Variants in ACTG2 observed in about 807,000 individuals in gnomAD.
ACTG2 encodes the protein actin gamma 2, smooth muscle.
ACTG2 carries 16 observed loss-of-function variants against 37.6 expected under a neutral mutation model. That is an observed-to-expected ratio of 0.43 (90% confidence interval 0.29 to 0.65). ACTG2 has a LOEUF of 0.65. Ranked by LOEUF, ACTG2 falls within the 30% of genes least tolerant of loss-of-function variation. The probability of loss-of-function intolerance (pLI) is 0.18; values close to 1 mark genes in which losing one functional copy is unlikely to be tolerated. For synonymous variants in ACTG2, 181 were observed against 179.9 expected (o/e 1.01, Z -0.05); for missense variants, 238 against 490.9 (o/e 0.48, Z 4.87).
At chr2:73,906,326 C>A (rs1359656653) in intron 3 of ACTG2, among the ~76,000 whole-genome samples, 1 of 151,816 alleles carries the variant, frequency 6.6e-6, no homozygotes, top group Non-Finnish European at 1.5e-5. Flanking sequence ...TGGTGGGCAC[C>A]CGTAGTCCCA....
chr2:73,902,771 A>T, intron 3 of ACTG2: 1 of 1,548,028 alleles, frequency 6.5e-7, no homozygotes, highest in Non-Finnish European at 8.7e-7. Flanking sequence ...AACACAGGTC[A>T]GCTCATGTCA....
chr2:73,914,714 G>A lies in ACTG2; in HGVS notation c.648G>A (p.Lys216=). Reference sequence around the variant, plus strand: ...AAATTGTGCGAGACATCAAGGAGAAGCTGTGCTATGTGGCCCTGGATTTTG... The same window carrying A: ...AAATTGTGCGAGACATCAAGGAGAAACTGTGCTATGTGGCCCTGGATTTTG... ...EREIVRDIKE[K]LCYVALDFEN... The change falls in exon 7 of 9, where the codon AAG becomes AAA. Residue 216 remains lysine (K), a synonymous_variant. Coordinates refer to ENST00000345517, the MANE Select transcript of ACTG2 (RefSeq NM_001615.4). 1.2e-6 allele frequency: 2 copies of A among 1,604,880 alleles called. No individual in the cohort carries two copies. The highest frequency in any genetic ancestry group is 2.3e-5 in the East Asian group (1 of 44,364).
chr2:73,915,332 C>A (rs1680239813), intron 7 of ACTG2, among the ~76,000 whole-genome samples: 1 of 143,762 alleles, frequency 7.0e-6, no homozygotes, highest in Non-Finnish European at 1.5e-5. Flanking sequence ...CCAGACTGGG[C>A]AACATAGCGA....
intron 1 of ACTG2, among the ~76,000 whole-genome samples, chr2:73,894,339 T>C (rs1007994935): frequency 6.6e-6 from 1 of 152,136 alleles, no homozygotes; most frequent in Non-Finnish European, 1.5e-5. Flanking sequence ...ACCCTTGGGC[T>C]GAAAAGAGGA....
chr2:73,898,340 A>AGG (rs1558620884), intron 1 of ACTG2, among the ~76,000 whole-genome samples: 1 of 146,646 alleles, frequency 6.8e-6, no homozygotes, highest in Non-Finnish European at 1.5e-5. Context: ...TGTTTCACCT[A>AGG]CCAAAGCAAC....
chr2:73,911,897 A>G (rs1680147669), intron 5 of ACTG2, among the ~76,000 whole-genome samples: 1 of 152,218 alleles, frequency 6.6e-6, no homozygotes, highest in African/African-American at 2.4e-5. Context: ...ATTTGTTTAA[A>G]CGTTCATTAA....
At chr2:73,913,032 G>A (rs532454657) in intron 5 of ACTG2, among the ~76,000 whole-genome samples, 1 of 152,070 alleles carries the variant, frequency 6.6e-6, no homozygotes, top group East Asian at 1.9e-4. Flanking sequence ...AGCCGGGCGT[G>A]GTGGCAGGCA....
chr2:73,914,578 G>T, intron 6 of ACTG2, 102 bp from the exon 7 acceptor site: 722 of 576,958 alleles, frequency 1.3e-3, no homozygotes, highest in Non-Finnish European at 1.7e-3. Context: ...AAAAAAAAAA[G>T]AATAAAGTAG....
At chr2:73,904,710 T>C (rs1038109344) in intron 3 of ACTG2, among the ~76,000 whole-genome samples, 6 of 148,628 alleles carry the variant, frequency 4.0e-5, no homozygotes, top group Non-Finnish European at 4.5e-5. Flanking sequence ...TTTCATTATA[T>C]AATCATTTCA....
chr2:73,914,269 T>C (rs1226356005), intron 6 of ACTG2, among the ~76,000 whole-genome samples: 1 of 152,058 alleles, frequency 6.6e-6, no homozygotes, highest in Non-Finnish European at 1.5e-5. Flanking sequence ...GAACCTAAAG[T>C]AGACGTGAGG....
intron 1 of ACTG2, among the ~76,000 whole-genome samples, chr2:73,895,978 G>A (rs922565620): frequency 2.0e-5 from 3 of 152,144 alleles, no homozygotes; most frequent in Non-Finnish European, 4.4e-5. Flanking sequence ...TCTGAGATTT[G>A]AATGTCATAT....
intron 3 of ACTG2, among the ~76,000 whole-genome samples, chr2:73,903,939 C>CAAAAAAAA (rs61362643): frequency 2.2e-5 from 2 of 90,022 alleles, no homozygotes; most frequent in African/African-American, 8.5e-5. Flanking sequence ...GACTCCGTCT[C>CAAAAAAAA]AAAAAAAAAA....
chr2:73,916,701 C>CT lies in ACTG2; in HGVS notation c.924dup (p.Gly309TrpfsTer4). 6.2e-7 allele frequency: 1 copy of CT among 1,614,204 alleles called. No homozygotes were observed. On this transcript the variant is annotated frameshift_variant, in exon 8 of 9. Coordinates refer to ENST00000345517, the MANE Select transcript of ACTG2 (RefSeq NM_001615.4). LOFTEE classifies it high-confidence loss of function. ...CTCTCTGGGGGCACCACCATGTACC[C>CT]TGGCATTGCTGACAGGATGCAGAAG...
intron 3 of ACTG2, chr2:73,902,839 C>A (rs562202696): frequency 6.9e-7 from 1 of 1,439,936 alleles, no homozygotes; most frequent in African/African-American, 1.4e-5. Context: ...GTTCCTAACT[C>A]CCCGTCTTGG....
chr2:73,908,937 A>C, intron 4 of ACTG2, 118 bp from the exon 5 acceptor site: 1 of 1,243,134 alleles, frequency 8.0e-7, no homozygotes, highest in Non-Finnish European at 1.2e-6. Flanking sequence ...TGGGTGTGGA[A>C]TAATGAACTA....
intron 8 of ACTG2, among the ~76,000 whole-genome samples, chr2:73,917,705 G>A (rs986600060): frequency 6.6e-6 from 1 of 152,208 alleles, no homozygotes; most frequent in Non-Finnish European, 1.5e-5. Flanking sequence ...ATGAAGGAAG[G>A]CTGCCCCGGG....
chr2:73,896,311 C>T (rs889031773), intron 1 of ACTG2, among the ~76,000 whole-genome samples: 4 of 145,992 alleles, frequency 2.7e-5, no homozygotes, highest in Non-Finnish European at 5.9e-5. Flanking sequence ...TGCCACTGGA[C>T]TCAATGCCTA....
chr2:73,900,910 T>C (rs1288416826), intron 1 of ACTG2, among the ~76,000 whole-genome samples: 1 of 152,126 alleles, frequency 6.6e-6, no homozygotes, highest in Admixed American at 6.6e-5. Flanking sequence ...TCTGCATGCA[T>C]CTGGATCCTA....
chr2:73,907,600 G>A (rs976837311), intron 3 of ACTG2, among the ~76,000 whole-genome samples: 1 of 152,108 alleles, frequency 6.6e-6, no homozygotes, highest in Non-Finnish European at 1.5e-5. Context: ...TCCTGCCCCA[G>A]CCTCCTGAGT....
Sources: gnomAD v4.1 joint callset for allele counts (sites outside exome capture counted in the v4.1 genomes callset) on GRCh38, gnomAD v4.1.1 for gene constraint, MANE v1.5 for transcripts, NCBI Gene and HGNC (gene_info 2026-07-23, HGNC 2026-07-21) for gene names.